The following SOX13 variants were observed in gnomAD, a reference collection of about 807,000 sequenced individuals.
The protein encoded by SOX13 is transcription factor SOX-13.
Under a neutral mutation model 71.8 loss-of-function variants are expected in SOX13, and 28 were observed. That is an observed-to-expected ratio of 0.39 (90% CI 0.29 to 0.53). The LOEUF (loss-of-function observed/expected upper bound fraction) is 0.53, where lower values mean the gene tolerates loss of function less well. Among genes scored for constraint, SOX13 ranks in the 20% least tolerant of loss-of-function variants. The pLI is 0.70. For synonymous variants in SOX13, 309 were observed against 317.8 expected, an observed-to-expected ratio of 0.97 and a Z score of 0.29; for missense variants, 627 against 810.3, an observed-to-expected ratio of 0.77 and a Z score of 2.75.
intron 1 of SOX13, among the ~76,000 whole-genome samples, chr1:204,100,682 G>C (rs1192601953): frequency 6.6e-6 from 1 of 152,054 alleles, no homozygotes; most frequent in African/African-American, 2.4e-5. Context: ...AGGAAACGCA[G>C]CCTTTGGAGA....
chr1:204,076,017 A>T (rs1290506171), intron 1 of SOX13, among the ~76,000 whole-genome samples: 1 of 152,110 alleles, frequency 6.6e-6, no homozygotes, highest in Non-Finnish European at 1.5e-5. Context: ...AGCCCCTCAG[A>T]TCAAACGTAT....
At chr1:204,096,295 A>G (rs1656251663) in intron 1 of SOX13, among the ~76,000 whole-genome samples, 1 of 129,242 alleles carries the variant, frequency 7.7e-6, no homozygotes, top group African/African-American at 3.0e-5. Context: ...GCTGGAGTAC[A>G]GTGGCATGAT....
At chr1:204,104,830 T>C (rs1467550559) in intron 1 of SOX13, among the ~76,000 whole-genome samples, 1 of 152,142 alleles carries the variant, frequency 6.6e-6, no homozygotes, top group Non-Finnish European at 1.5e-5. Context: ...TTTATCTTCA[T>C]CTAGATATTT....
chr1:204,112,266 C>A (rs957394139), intron 1 of SOX13, among the ~76,000 whole-genome samples: 2 of 152,158 alleles, frequency 1.3e-5, no homozygotes, highest in Admixed American at 6.5e-5. Context: ...CATGGCAAAA[C>A]CCCATATCTA....
At chr1:204,099,269 AT>A (rs1656312797) in intron 1 of SOX13, among the ~76,000 whole-genome samples, 1 of 152,168 alleles carries the variant, frequency 6.6e-6, no homozygotes, top group Non-Finnish European at 1.5e-5. Context: ...CATAGTAGCT[AT>A]TTCACAGGAC....
chr1:204,084,482 G>A (rs987334240), intron 1 of SOX13, among the ~76,000 whole-genome samples: 2 of 152,172 alleles, frequency 1.3e-5, no homozygotes. Flanking sequence ...AGCCTCCAGG[G>A]CTGCCAGGAC....
chr1:204,085,788 C>T (rs998838994), intron 1 of SOX13, among the ~76,000 whole-genome samples: 1 of 151,478 alleles, frequency 6.6e-6, no homozygotes, highest in African/African-American at 2.4e-5. Context: ...TCCTGGCTAA[C>T]ACGGTGAAAC....
chr1:204,087,631 A>G (rs1395935949), intron 1 of SOX13, among the ~76,000 whole-genome samples: 3 of 152,246 alleles, frequency 2.0e-5, no homozygotes, highest in African/African-American at 7.2e-5. Context: ...TACTTCCTCC[A>G]TCTGCAACTT....
Position 204,111,069 on chromosome 1 carries a change from T to C in SOX13, c.-1-1846T>C, listed in dbSNP as rs956229236. The stretch of plus-strand genomic sequence containing the variant: ...TCTCAAACAAGCCCCCAAGGCATGC[T>C]GAAGCTGCTGGTCCTTATACTGCAT... On this transcript the variant is annotated intron_variant, in intron 1 of 13. Coordinates refer to ENST00000367204, the MANE Select transcript of SOX13 (RefSeq NM_005686.3). Among the ~76,000 whole-genome samples, 5 of 152,234 alleles carry C rather than the reference T, an allele frequency of 3.3e-5. No individual in the cohort carries two copies. The East Asian group carries it at 9.6e-4, about 29-fold the overall frequency.
chr1:204,121,265 G>A (rs1228773444), intron 7 of SOX13, among the ~76,000 whole-genome samples: 1 of 152,120 alleles, frequency 6.6e-6, no homozygotes, highest in East Asian at 1.9e-4. Flanking sequence ...GGGATTACAG[G>A]CGTAAGCCAC....
At chr1:204,119,354 A>G (rs1417287892) in intron 7 of SOX13, 1 of 152,172 alleles carries the variant, frequency 6.6e-6, no homozygotes, top group Non-Finnish European at 1.5e-5. Flanking sequence ...TAAAGCCAGC[A>G]TATTTGGTGT....
intron 1 of SOX13, among the ~76,000 whole-genome samples, chr1:204,098,262 G>C (rs948964918): frequency 6.6e-6 from 1 of 152,196 alleles, no homozygotes; most frequent in African/African-American, 2.4e-5. Flanking sequence ...CAGATCACCT[G>C]AGGTCAGGAG....
chr1:204,126,401 G>A lies in SOX13; in HGVS notation c.*267G>A. On this transcript the variant is annotated 3_prime_UTR_variant, in exon 14 of 14. Coordinates refer to ENST00000367204, the MANE Select transcript of SOX13 (RefSeq NM_005686.3). ...CAGCCTTTAGGGCTTATGGCCAGGG[G>A]ACACTGTATGACTCTCCTCTCCTGC... 1 of 507,350 alleles carries A rather than the reference G, an allele frequency of 2.0e-6. No homozygotes were observed. The highest frequency in any genetic ancestry group is 3.4e-5 in the East Asian group (1 of 29,722). 31.4% of individuals were successfully genotyped at this position (507,350 alleles called of 1,614,324 possible). A position where few individuals can be genotyped will look rare whatever the true frequency, so the allele number is the denominator to read the frequency against.
At chr1:204,112,311 T>TGTGC (rs1283936989) in intron 1 of SOX13, among the ~76,000 whole-genome samples, 1 of 152,038 alleles carries the variant, frequency 6.6e-6, no homozygotes, top group African/African-American at 2.4e-5. Context: ...GGTGGTGGCG[T>TGTGC]GTGCCTGTAA....
intron 1 of SOX13, among the ~76,000 whole-genome samples, chr1:204,107,329 T>A (rs1014208831): frequency 6.6e-6 from 1 of 152,148 alleles, no homozygotes; most frequent in Non-Finnish European, 1.5e-5. Flanking sequence ...TTCCAAGTTG[T>A]CCCCTGACTC....
At chr1:204,088,383 T>A (rs1294367930) in intron 1 of SOX13, among the ~76,000 whole-genome samples, 1 of 152,058 alleles carries the variant, frequency 6.6e-6, no homozygotes, top group Non-Finnish European at 1.5e-5. Flanking sequence ...ACTGCCCAAA[T>A]AAGAAAGAGA....
At position 204,090,918 on chromosome 1, in the gene SOX13, G is replaced by C. The variant is rs546808281; in HGVS notation, c.-2+17207G>C. 2.5e-3 allele frequency among the ~76,000 whole-genome samples: 387 copies of C among 152,244 alleles called. 1 individual carries two copies. Among genetic ancestry groups the C allele is most frequent in the African/African-American group, 8.9e-3 (370 of 41,546 alleles). ...GAGGCCCTGTGGGGTGGGAAGGGAT[G>C]GTGTTAGTTTAGATTGCAGTTAGGC... On this transcript the variant is annotated intron_variant, in intron 1 of 13. Transcript: ENST00000367204.
chr1:204,124,098 C>A (rs1656869908), intron 12 of SOX13, among the ~76,000 whole-genome samples: 1 of 152,206 alleles, frequency 6.6e-6, no homozygotes, highest in African/African-American at 2.4e-5. Context: ...TGTCCAGACC[C>A]TTGCTCTGGC....
intron 1 of SOX13, among the ~76,000 whole-genome samples, chr1:204,074,943 T>C (rs1363648862): frequency 1.3e-5 from 2 of 150,782 alleles, no homozygotes; most frequent in South Asian, 2.1e-4. Context: ...GCCTCGGCGC[T>C]GGCGCTGGCG....
Sources: allele counts gnomAD v4.1 joint callset (sites outside exome capture counted in the v4.1 genomes callset), GRCh38; gene constraint gnomAD v4.1.1; transcripts MANE v1.5; gene names NCBI Gene and HGNC (gene_info 2026-07-23, HGNC 2026-07-21).